GRM7: variants seen among roughly 807,000 people sequenced by gnomAD.
GRM7 encodes the protein metabotropic glutamate receptor 7.
GRM7 carries 35 observed loss-of-function variants against 84.5 expected under a neutral mutation model. The observed-to-expected ratio is 0.41, with a 90% CI of 0.32 to 0.55. The LOEUF is 0.55. Ranked by LOEUF, GRM7 falls within the 20% of genes least tolerant of loss-of-function variation. The pLI is 0.19. For synonymous variants in GRM7, 487 were observed against 455.1 expected (o/e 1.07, Z -0.89); for missense variants, 1,003 against 1,194.6 (o/e 0.84, Z 2.36).
intron 2 of GRM7, among the ~76,000 whole-genome samples, chr3:7,249,749 T>G (rs577837934): frequency 6.6e-6 from 1 of 152,338 alleles, no homozygotes; most frequent in Admixed American, 6.5e-5. Context: ...TCTGTATTTG[T>G]TACAATATAG....
intron 5 of GRM7, among the ~76,000 whole-genome samples, chr3:7,426,678 G>T (rs1214312518): frequency 1.3e-5 from 2 of 152,062 alleles, no homozygotes; most frequent in South Asian, 2.1e-4. Flanking sequence ...TGCATATGAG[G>T]TGAATGTCTC....
intron 9 of GRM7, among the ~76,000 whole-genome samples, chr3:7,726,886 A>T (rs1702150940): frequency 6.6e-6 from 1 of 151,648 alleles, no homozygotes; most frequent in African/African-American, 2.4e-5. Flanking sequence ...TCTATGTTGT[A>T]ATCAAGGATC....
rs1206866067 is a variant in GRM7 at position 7,173,575 on chromosome 3, C to T, written c.736+26907C>T. 3.3e-5 allele frequency among the ~76,000 whole-genome samples: 5 copies of T among 152,134 alleles called. No homozygotes were observed. The East Asian group carries it at 9.6e-4, about 29-fold the overall frequency. On this transcript the variant is annotated intron_variant, in intron 2 of 9. Coordinates refer to ENST00000357716, the MANE Select transcript of GRM7 (RefSeq NM_000844.4). ...GGATCAACATTGCTTCTTAGAAGGC[C>T]CTTTTCCACATTGCCTATTTTGGGT...
chr3:6,988,964 A>T (rs570407346), intron 1 of GRM7, among the ~76,000 whole-genome samples: 47 of 152,184 alleles, frequency 3.1e-4, no homozygotes, highest in African/African-American at 1.1e-3. Flanking sequence ...AAATAAATAA[A>T]CCCTCCTATT....
chr3:6,938,014 C>G (rs1697749675), intron 1 of GRM7, among the ~76,000 whole-genome samples: 1 of 152,160 alleles, frequency 6.6e-6, no homozygotes, highest in Non-Finnish European at 1.5e-5. Flanking sequence ...AAGAAATTGG[C>G]TATGATGACA....
chr3:7,174,176 G>C (rs1695071826), intron 2 of GRM7, among the ~76,000 whole-genome samples: 1 of 152,140 alleles, frequency 6.6e-6, no homozygotes, highest in Admixed American at 6.6e-5. Flanking sequence ...AAAACTTAGT[G>C]ATGGAAAAAC....
At chr3:7,712,567 C>T (rs1324872273) in intron 9 of GRM7, among the ~76,000 whole-genome samples, 1 of 152,040 alleles carries the variant, frequency 6.6e-6, no homozygotes, top group East Asian at 1.9e-4. Context: ...ATAACAGGCC[C>T]CACCACCACT....
At chr3:7,520,358 G>A (rs1159931922) in intron 7 of GRM7, 3 of 152,114 alleles carry the variant, frequency 2.0e-5, no homozygotes, top group African/African-American at 4.8e-5. Flanking sequence ...CACTTTTGTG[G>A]TCAGCCAGGT....
chr3:7,122,091 T>C (rs1425338257), intron 1 of GRM7, among the ~76,000 whole-genome samples: 3 of 152,176 alleles, frequency 2.0e-5, no homozygotes, highest in African/African-American at 7.2e-5. Context: ...ATAAAATCTC[T>C]TTTCTTTATA....
At chr3:7,556,827 G>T (rs868855032) in intron 7 of GRM7, among the ~76,000 whole-genome samples, 24 of 152,258 alleles carry the variant, frequency 1.6e-4, no homozygotes, top group Admixed American at 1.2e-3. Flanking sequence ...GAAGGCTGGA[G>T]GATGGAGGAG....
intron 7 of GRM7, among the ~76,000 whole-genome samples, chr3:7,547,363 C>T (rs950294372): frequency 3.3e-5 from 5 of 151,866 alleles, no homozygotes; most frequent in East Asian, 1.9e-4. Context: ...CCCGCCGCCA[C>T]GCCTGGCTAA....
rs548368791 is a variant in GRM7 at position 7,454,936 on chromosome 3, GTTAAA to G, written c.1375+2135_1375+2139del. Reference sequence around the variant, plus strand: ...ACATATCTTATTTATAAATACCATTGTTAAATTAAAAAGGTTAAAAGAACCCTTAG... The same window carrying G: ...ACATATCTTATTTATAAATACCATTGTTAAAAAGGTTAAAAGAACCCTTAG... On this transcript the variant is annotated intron_variant, in intron 6 of 9. Coordinates refer to ENST00000357716, the MANE Select transcript of GRM7 (RefSeq NM_000844.4). 2.9e-3 allele frequency among the ~76,000 whole-genome samples: 446 copies of G among 152,224 alleles called. 3 individuals carry two copies. Among genetic ancestry groups the G allele is most frequent in the African/African-American group, 0.01 (422 of 41,542 alleles).
At chr3:7,327,518 T>A (rs7613495) in intron 4 of GRM7, among the ~76,000 whole-genome samples, 7,615 of 152,244 alleles carry the variant, frequency 0.05, 574 homozygotes, top group African/African-American at 0.16. Flanking sequence ...TTTATATATC[T>A]GTATTTATTC....
At chr3:7,222,294 G>C (rs1025425137) in intron 2 of GRM7, among the ~76,000 whole-genome samples, 1 of 152,122 alleles carries the variant, frequency 6.6e-6, no homozygotes, top group South Asian at 2.1e-4. Context: ...CTAGATTAAG[G>C]TAGTGCTGTG....
chr3:7,683,227 G>C (rs1700449668), intron 9 of GRM7, among the ~76,000 whole-genome samples: 1 of 152,162 alleles, frequency 6.6e-6, no homozygotes. Context: ...GGAGTAACCT[G>C]AGCTCAAAGA....
intron 7 of GRM7, among the ~76,000 whole-genome samples, chr3:7,575,352 C>T (rs891290745): frequency 2.0e-5 from 3 of 152,104 alleles, no homozygotes; most frequent in African/African-American, 7.3e-5. Flanking sequence ...CTGCACCTTA[C>T]ATCTGGCTTT....
At chr3:7,171,412 A>G (rs1289832672) in intron 2 of GRM7, among the ~76,000 whole-genome samples, 1 of 152,170 alleles carries the variant, frequency 6.6e-6, no homozygotes, top group Non-Finnish European at 1.5e-5. Flanking sequence ...TCTAAATAAG[A>G]TCACATTCTG....
chr3:7,335,261 C>A (rs535388925), intron 4 of GRM7, among the ~76,000 whole-genome samples: 2 of 151,984 alleles, frequency 1.3e-5, no homozygotes, highest in East Asian at 1.9e-4. Context: ...CCAAGAGGAA[C>A]CTTTAAAACT....
chr3:7,728,460 C>T (rs162722), intron 9 of GRM7, among the ~76,000 whole-genome samples: 98,175 of 152,014 alleles, frequency 0.65, 33,648 homozygotes, highest in East Asian at 0.84. Context: ...AGAATTATCC[C>T]CTAAATCTAC....
Sources: gnomAD v4.1 joint callset for allele counts (sites outside exome capture counted in the v4.1 genomes callset) on GRCh38, gnomAD v4.1.1 for gene constraint, MANE v1.5 for transcripts, NCBI Gene and HGNC (gene_info 2026-07-23, HGNC 2026-07-21) for gene names.